DMD: variants seen among roughly 807,000 people sequenced by gnomAD.
DMD encodes the protein dystrophin.
In DMD, 63 loss-of-function variants were observed where a neutral mutation model predicts 330.1. That is an observed-to-expected ratio of 0.19 (90% CI 0.16 to 0.24). DMD has a LOEUF of 0.24. Ranked by LOEUF, DMD falls within the 10% of genes least tolerant of loss-of-function variation. The probability of loss-of-function intolerance (pLI) is 1.00; values close to 1 mark genes in which losing one functional copy is unlikely to be tolerated. For synonymous variants in DMD, 1,223 were observed against 959.8 expected (o/e 1.27, Z -5.07); for missense variants, 3,344 against 2,684.1 (o/e 1.25, Z -5.43).
intron 2 of DMD, among the ~76,000 whole-genome samples, chrX:32,897,741 G>A (rs776019530): frequency 5.4e-5 from 6 of 111,820 alleles, no homozygotes; most frequent in Non-Finnish European, 1.1e-4. Flanking sequence ...AATACAAAAT[G>A]TGTGTTCATA....
chrX:32,634,760 G>T (rs984778427), intron 11 of DMD, among the ~76,000 whole-genome samples: 2 of 111,812 alleles, frequency 1.8e-5, no homozygotes, highest in African/African-American at 6.5e-5. Context: ...TTCATAAGCG[G>T]AAGGAAGGAG....
intron 7 of DMD, among the ~76,000 whole-genome samples, chrX:32,802,812 G>A (rs2076674645): frequency 8.9e-6 from 1 of 111,850 alleles, no homozygotes; most frequent in Non-Finnish European, 1.9e-5. Context: ...TTGCATCCCA[G>A]GGATGAAGCC....
intron 7 of DMD, among the ~76,000 whole-genome samples, chrX:32,783,377 C>G (rs2075060549): frequency 9.7e-6 from 1 of 103,558 alleles, no homozygotes; most frequent in Non-Finnish European, 2.0e-5. Context: ...TATATATACA[C>G]ATATATACCA....
intron 34 of DMD, 88 bp from the exon 35 acceptor site, chrX:32,365,287 T>C (rs2097850690): frequency 1.1e-6 from 1 of 932,694 alleles, no homozygotes; most frequent in Non-Finnish European, 1.5e-6. Flanking sequence ...ATGGTTACTA[T>C]GATTCTGCAA....
At chrX:31,664,639 T>C (rs1168937035) in intron 53 of DMD, among the ~76,000 whole-genome samples, 3 of 98,206 alleles carry the variant, frequency 3.1e-5, no homozygotes, top group Non-Finnish European at 6.0e-5. Flanking sequence ...GCAGGGAACA[T>C]ACTCCCTGGG....
At chrX:31,854,887 A>G (rs1032061418) in intron 48 of DMD, among the ~76,000 whole-genome samples, 15 of 111,188 alleles carry the variant, frequency 1.3e-4, no homozygotes, top group African/African-American at 4.9e-4. Flanking sequence ...CCTGGTCACT[A>G]TGCACAAGAT....
chrX:33,038,161 C>T (rs1457539336), intron 1 of DMD, among the ~76,000 whole-genome samples: 2 of 111,474 alleles, frequency 1.8e-5, no homozygotes, highest in Non-Finnish European at 3.8e-5. Flanking sequence ...TTTCAATATC[C>T]CCATGGTTTG....
intron 70 of DMD, chrX:31,178,328 G>A: frequency 1.0e-6 from 1 of 972,391 alleles, no homozygotes; most frequent in African/African-American, 1.9e-5. Context: ...TTACTGATTT[G>A]TGAGAGAGGA....
intron 4 of DMD, among the ~76,000 whole-genome samples, chrX:32,843,223 T>A (rs1354655830): frequency 1.2e-4 from 14 of 112,429 alleles, no homozygotes; most frequent in Non-Finnish European, 1.9e-4. Flanking sequence ...AATCTAATAA[T>A]TCTGTGTTCC....
chrX:32,317,706 T>C (rs2097587989), intron 41 of DMD, among the ~76,000 whole-genome samples: 1 of 111,329 alleles, frequency 9.0e-6, no homozygotes, highest in South Asian at 3.7e-4. Flanking sequence ...ATATGACATA[T>C]GATTATGACA....
intron 60 of DMD, among the ~76,000 whole-genome samples, chrX:31,374,908 T>G (rs1938695921): frequency 9.0e-6 from 1 of 111,564 alleles, no homozygotes; most frequent in Non-Finnish European, 1.9e-5. Flanking sequence ...GACCTCCTCT[T>G]TAGGGCCTTT....
At chrX:32,071,399 A>G (rs1330380362) in intron 44 of DMD, among the ~76,000 whole-genome samples, 1 of 107,762 alleles carries the variant, frequency 9.3e-6, no homozygotes, top group Non-Finnish European at 1.9e-5. Context: ...TCAGCAAACT[A>G]TCGCAAGGAC....
chrX:31,831,792 T>C (rs184947609), intron 49 of DMD, among the ~76,000 whole-genome samples: 2,352 of 111,486 alleles, frequency 0.021, 46 homozygotes, highest in Admixed American at 0.096. Context: ...TTAGTAGAGA[T>C]GGGGTTTCAC....
At chrX:32,020,370 T>C (rs6628670) in intron 44 of DMD, among the ~76,000 whole-genome samples, 21,952 of 111,740 alleles carry the variant, frequency 0.2, 2,169 homozygotes, top group African/African-American at 0.38. Context: ...GTTTAGTTAA[T>C]TAAAGACCAT....
At chrX:32,430,473 A>T (rs1289862974) in intron 29 of DMD, among the ~76,000 whole-genome samples, 1 of 111,706 alleles carries the variant, frequency 9.0e-6, no homozygotes, top group Non-Finnish European at 1.9e-5. Flanking sequence ...AGATAAATAT[A>T]CACTGATAAA....
chrX:32,285,359 T>C (rs1032933044), intron 43 of DMD, among the ~76,000 whole-genome samples: 3 of 112,292 alleles, frequency 2.7e-5, no homozygotes, highest in African/African-American at 6.5e-5. Flanking sequence ...AGCCTCATAA[T>C]GTCTCAATGT....
chrX:32,510,417 T>G (rs1299863246), intron 18 of DMD, among the ~76,000 whole-genome samples: 7 of 111,921 alleles, frequency 6.3e-5, no homozygotes, highest in South Asian at 3.7e-4. Context: ...TACCCTCTCA[T>G]TTTATTCTGC....
chrX:31,169,341 A>G (rs900885340), intron 74 of DMD, 102 bp downstream of exon 74: 2 of 609,559 alleles, frequency 3.3e-6, no homozygotes, highest in Non-Finnish European at 5.4e-6. Context: ...TTAGAAAACA[A>G]TTAGACATAA....
chrX:32,244,229 C>A (rs949085755), intron 43 of DMD, among the ~76,000 whole-genome samples: 1 of 105,560 alleles, frequency 9.5e-6, no homozygotes, highest in Admixed American at 1.0e-4. Flanking sequence ...TTTGTTCTTG[C>A]GATAGTTTAC....
Sources: allele counts gnomAD v4.1 joint callset (sites outside exome capture counted in the v4.1 genomes callset), GRCh38; gene constraint gnomAD v4.1.1; transcripts MANE v1.5; gene names NCBI Gene and HGNC (gene_info 2026-07-23, HGNC 2026-07-21).